SOX5: variants seen among roughly 807,000 people sequenced by gnomAD.
SOX5 encodes SRY-box transcription factor 5.
In SOX5, 9 loss-of-function variants were observed where a neutral mutation model predicts 92.0. The ratio of observed to expected loss-of-function variants is 0.10; its 90% CI spans 0.06 to 0.17. The LOEUF is 0.17. SOX5 is among the 10% of genes least tolerant of loss of function. The probability of loss-of-function intolerance (pLI) is 1.00; values close to 1 mark genes in which losing one functional copy is unlikely to be tolerated. For missense variants in SOX5, 642 were observed against 944.5 expected (o/e 0.68, Z 4.20); for synonymous variants, 344 against 336.3 (o/e 1.02, Z -0.25).
In SOX5 at chr12:23,721,975, T is replaced by TAGAGAG. The variant is rs539959968; in HGVS notation, c.810+12708_810+12709insCTCTCT. ...GTTATTTAAATAGAGAGCATGGTGT[T>TAGAGAG]CACAGGAGGGTAAATATCATTGAGA... On this transcript the variant is annotated intron_variant, in intron 6 of 14. Transcript: ENST00000451604. Among the ~76,000 whole-genome samples the TAGAGAG allele has an allele frequency of 2.8e-3, 430 of 152,326 alleles. 3 individuals are homozygous for TAGAGAG. Among genetic ancestry groups the TAGAGAG allele is most frequent in the South Asian group, 8.1e-3 (39 of 4,824 alleles).
chr12:23,653,932 G>T, intron 7 of SOX5, among the ~76,000 whole-genome samples: 1 of 151,998 alleles, frequency 6.6e-6, no homozygotes, highest in Non-Finnish European at 1.5e-5. Context: ...ACACACTTAA[G>T]CCTATTAAAA....
At chr12:24,504,589 G>T (rs887737672) in intron 1 of SOX5, among the ~76,000 whole-genome samples, 10 of 152,156 alleles carry the variant, frequency 6.6e-5, no homozygotes, top group African/African-American at 2.4e-4. Context: ...TTTTCAAAAT[G>T]CCTACCATGT....
At chr12:24,487,141 ATATT>A (rs1379358493) in intron 1 of SOX5, among the ~76,000 whole-genome samples, 2 of 152,196 alleles carry the variant, frequency 1.3e-5, no homozygotes, top group Admixed American at 6.5e-5. Flanking sequence ...ATTCTAAAGA[ATATT>A]TAAACTTCTG....
intron 9 of SOX5, among the ~76,000 whole-genome samples, chr12:23,587,291 A>G (rs1232513745): frequency 1.3e-5 from 2 of 152,106 alleles, no homozygotes; most frequent in Non-Finnish European, 2.9e-5. Context: ...AGATTACGAG[A>G]TATCATCAAC....
chr12:24,363,976 G>C (rs1475427328), intron 2 of SOX5, among the ~76,000 whole-genome samples: 1 of 152,182 alleles, frequency 6.6e-6, no homozygotes, highest in East Asian at 1.9e-4. Flanking sequence ...GGCCCTATTG[G>C]ATCAGTTGTC....
At chr12:24,485,980 A>G (rs1946479210) in intron 1 of SOX5, among the ~76,000 whole-genome samples, 1 of 152,140 alleles carries the variant, frequency 6.6e-6, no homozygotes, top group Non-Finnish European at 1.5e-5. Context: ...CTGTTGAGAC[A>G]GGGTATCTGT....
At chr12:24,020,330 G>A (rs1005976545) in intron 4 of SOX5, among the ~76,000 whole-genome samples, 1 of 152,058 alleles carries the variant, frequency 6.6e-6, no homozygotes, top group African/African-American at 2.4e-5. Context: ...CACAAACCTG[G>A]GTTTCTCTCC....
At chr12:24,225,479 GTT>G (rs5797069) in intron 3 of SOX5, among the ~76,000 whole-genome samples, 70,959 of 149,066 alleles carry the variant, frequency 0.48, 17,024 homozygotes, top group East Asian at 0.72. Flanking sequence ...ATTATCAGAG[GTT>G]TTTTTTTTTT....
At chr12:23,608,912 T>C (rs929007894) in intron 8 of SOX5, among the ~76,000 whole-genome samples, 5 of 152,178 alleles carry the variant, frequency 3.3e-5, no homozygotes, top group Non-Finnish European at 1.5e-5. Context: ...AGAGAAAGTG[T>C]ACAAACATAG....
At chr12:24,260,384 T>C (rs1439671546) in intron 3 of SOX5, among the ~76,000 whole-genome samples, 1 of 152,192 alleles carries the variant, frequency 6.6e-6, no homozygotes, top group Non-Finnish European at 1.5e-5. Context: ...CATAGGATTG[T>C]TACGATGACT....
intron 2 of SOX5, among the ~76,000 whole-genome samples, chr12:24,348,429 C>A (rs894343115): frequency 6.6e-6 from 1 of 151,762 alleles, no homozygotes; most frequent in African/African-American, 2.4e-5. Flanking sequence ...GTTGCCCAGG[C>A]TGGAGAGCAG....
At chr12:24,214,924 G>T (rs1959047633) in intron 3 of SOX5, among the ~76,000 whole-genome samples, 1 of 151,898 alleles carries the variant, frequency 6.6e-6, no homozygotes, top group African/African-American at 2.4e-5. Context: ...AACCAAGTAG[G>T]ATTTATCCCA....
chr12:23,575,354 C>T (rs1323970480), intron 10 of SOX5, among the ~76,000 whole-genome samples: 1 of 152,180 alleles, frequency 6.6e-6, no homozygotes, highest in Admixed American at 6.5e-5. Flanking sequence ...AGTCACCTAA[C>T]AATAACATTC....
intron 4 of SOX5, among the ~76,000 whole-genome samples, chr12:24,118,217 T>C (rs761937949): frequency 1.2e-4 from 18 of 152,108 alleles, no homozygotes; most frequent in Non-Finnish European, 2.2e-4. Flanking sequence ...GTTATCACTG[T>C]ATATTTCCAA....
rs181820489 is a variant in SOX5 at position 24,194,863 on chromosome 12, C to A, written c.-2+18480G>T. ...TATATGAATGATCTCCAATTTACAA[C>A]CTTATGCTCAACCCAGAAATTGGAT... On this transcript the variant is annotated intron_variant, in intron 4 of 4. Coordinates refer to the SOX5 transcript ENST00000446891. Among the ~76,000 whole-genome samples, 597 of 152,200 alleles carry A rather than the reference C, an allele frequency of 3.9e-3. 8 individuals are homozygous for A. Among genetic ancestry groups the A allele is most frequent in the African/African-American group, 0.014 (561 of 41,524 alleles).
At chr12:24,179,922 C>A (rs1036653239) in intron 4 of SOX5, among the ~76,000 whole-genome samples, 2 of 150,526 alleles carry the variant, frequency 1.3e-5, no homozygotes. Flanking sequence ...GCATATTAGG[C>A]CTTATAATCT....
At chr12:24,041,556 G>A (rs890252690) in intron 4 of SOX5, among the ~76,000 whole-genome samples, 9 of 152,120 alleles carry the variant, frequency 5.9e-5, no homozygotes, top group Admixed American at 1.3e-4. Context: ...TCCTTAAACC[G>A]CTTACTTTAT....
intron 2 of SOX5, among the ~76,000 whole-genome samples, chr12:24,354,673 C>T (rs1022999386): frequency 1.1e-4 from 17 of 152,120 alleles, no homozygotes; most frequent in Non-Finnish European, 2.4e-4. Context: ...GCAAAATCAA[C>T]CCAGGATATC....
At chr12:24,114,893 G>A (rs1191173996) in intron 4 of SOX5, among the ~76,000 whole-genome samples, 3 of 151,646 alleles carry the variant, frequency 2.0e-5, no homozygotes, top group Non-Finnish European at 2.9e-5. Context: ...CTATGACTAG[G>A]CCACTGCATT....
Sources: gnomAD v4.1 joint callset for allele counts (sites outside exome capture counted in the v4.1 genomes callset) on GRCh38, gnomAD v4.1.1 for gene constraint, MANE v1.5 for transcripts, NCBI Gene and HGNC (gene_info 2026-07-23, HGNC 2026-07-21) for gene names.